Variants in TXNRD1 observed in about 807,000 individuals in gnomAD.
The protein encoded by TXNRD1 is thioredoxin reductase 1, cytoplasmic.
TXNRD1 carries 57 observed loss-of-function variants against 80.3 expected under a neutral mutation model. The ratio of observed to expected loss-of-function variants is 0.71; its 90% CI spans 0.57 to 0.89. TXNRD1 has a LOEUF of 0.89. Ranked by LOEUF, TXNRD1 falls within the 40% of genes least tolerant of loss-of-function variation. The pLI is 0.00. For missense variants in TXNRD1, 730 were observed against 803.0 expected (o/e 0.91, Z 1.10); for synonymous variants, 291 against 285.2 (o/e 1.02, Z -0.20).
chr12:104,286,405 T>C (rs2033971912), intron 3 of TXNRD1, among the ~76,000 whole-genome samples: 1 of 152,112 alleles, frequency 6.6e-6, no homozygotes. Context: ...GAAGAGGTGC[T>C]CTCAGGGGAA....
intron 1 of TXNRD1, among the ~76,000 whole-genome samples, chr12:104,229,518 C>T (rs1372924536): frequency 2.0e-5 from 3 of 151,354 alleles, no homozygotes; most frequent in Non-Finnish European, 4.4e-5. Context: ...TGTATTAGTA[C>T]TTCTTTTTAT....
chr12:104,272,894 G>T (rs375523170), intron 3 of TXNRD1, among the ~76,000 whole-genome samples: 2 of 152,084 alleles, frequency 1.3e-5, no homozygotes, highest in African/African-American at 4.8e-5. Context: ...TAACACTGAG[G>T]CAGGAGAATT....
chr12:104,218,451 C>T (rs1283214976), intron 1 of TXNRD1, among the ~76,000 whole-genome samples: 1 of 152,094 alleles, frequency 6.6e-6, no homozygotes, highest in African/African-American at 2.4e-5. Context: ...CCCAGGAGCC[C>T]CTCTAATGTC....
intron 1 of TXNRD1, among the ~76,000 whole-genome samples, chr12:104,225,815 A>G (rs1473337454): frequency 6.6e-6 from 1 of 151,804 alleles, no homozygotes; most frequent in East Asian, 1.9e-4. Flanking sequence ...CCTTCATAAG[A>G]CCTGAACAGG....
intron 1 of TXNRD1, 108 bp downstream of exon 1, chr12:104,216,001 C>T (rs1020121396): frequency 3.1e-6 from 3 of 954,804 alleles, no homozygotes; most frequent in African/African-American, 3.4e-5. Flanking sequence ...AAGCCCCTCA[C>T]TGGAGTCAGT....
intron 1 of TXNRD1, among the ~76,000 whole-genome samples, chr12:104,234,014 ATTC>A (rs2032681602): frequency 6.6e-6 from 1 of 152,204 alleles, no homozygotes; most frequent in East Asian, 1.9e-4. Context: ...AGTCCCATAC[ATTC>A]TTCTTCTATT....
At chr12:104,331,910 G>A (rs574268443) in intron 14 of TXNRD1, among the ~76,000 whole-genome samples, 3 of 152,008 alleles carry the variant, frequency 2.0e-5, no homozygotes, top group Admixed American at 6.6e-5. Context: ...TTCTATGAAC[G>A]AGGGCATTTT....
intron 3 of TXNRD1, chr12:104,286,274 G>A (rs2033969069): frequency 6.6e-6 from 1 of 152,286 alleles, no homozygotes; most frequent in East Asian, 1.9e-4. Context: ...TAAGAGCAGG[G>A]AAGCATGAGA....
rs1201341890 is a variant in TXNRD1 at position 104,327,515 on chromosome 12, G to A, written c.1386G>A (p.Lys462=). 6.2e-7 allele frequency: 1 copy of A among 1,609,338 alleles called. No individual in the cohort carries two copies. Among genetic ancestry groups the A allele is most frequent in the Non-Finnish European group, 8.5e-7 (1 of 1,176,908 alleles). The change falls in exon 13 of 17, where the codon AAG becomes AAA. Residue 462 remains lysine (K), a splice_region_variant and synonymous_variant. Coordinates refer to ENST00000525566, the MANE Select transcript of TXNRD1 (RefSeq NM_001093771.3). ...LETVGVKINE[K]TGKIPVTDEE... ...GATTTTTAACTGAATAAAATTGCAG[G>A]ACTGGAAAAATACCTGTCACAGATG...
intron 3 of TXNRD1, chr12:104,288,668 T>G (rs992935129): frequency 8.8e-7 from 1 of 1,132,520 alleles, no homozygotes; most frequent in African/African-American, 1.6e-5. Flanking sequence ...GATTTAACCC[T>G]GACTAGAACT....
rs762064461 is a variant in TXNRD1, at chr12:104,326,377, AC to A, written c.1340del (p.Thr447LysfsTer6). 6 of 1,595,798 alleles carry A rather than the reference AC, an allele frequency of 3.8e-6. No homozygotes were observed. Among genetic ancestry groups the A allele is most frequent in the Non-Finnish European group, 5.1e-6 (6 of 1,172,654 alleles). On this transcript the variant is annotated frameshift_variant, in exon 12 of 17. Transcript: ENST00000525566. LOFTEE classifies it high-confidence loss of function. ...VMLAIGRDACTRKIGLETVGV... is the reference protein window; with the variant it reads ...VMLAIGRDACXRKIGLETVGV... ...GCTGGCAATAGGAAGAGATGCTTGC[AC>A]AAGAAAAATTGGCTTAGAAACCGTA...
At position 104,319,570 on chromosome 12, in the gene TXNRD1, AAT is replaced by A. The variant is rs1427358353; in HGVS notation, c.976_977del (p.Tyr326LeufsTer5). ...TACTTGGGCATCCCTGGTGACAAAG[AAT>A]ACTGCATCAGCAGGTAAAGGAAAAA... On this transcript the variant is annotated frameshift_variant, in exon 9 of 17. Coordinates refer to ENST00000525566, the MANE Select transcript of TXNRD1 (RefSeq NM_001093771.3). LOFTEE classifies it high-confidence loss of function. 1 of 1,601,412 alleles carries A rather than the reference AAT, an allele frequency of 6.2e-7. No individual in the cohort carries two copies. Among genetic ancestry groups the A allele is most frequent in the Admixed American group, 1.7e-5 (1 of 58,120 alleles).
chr12:104,275,351 A>C (rs2033735569), intron 3 of TXNRD1, among the ~76,000 whole-genome samples: 2 of 152,130 alleles, frequency 1.3e-5, no homozygotes, highest in African/African-American at 2.4e-5. Flanking sequence ...GAATATATGC[A>C]CTGCGGAAAA....
At chr12:104,260,021 C>T (rs144769111) in intron 3 of TXNRD1, among the ~76,000 whole-genome samples, 259 of 152,292 alleles carry the variant, frequency 1.7e-3, no homozygotes, top group Admixed American at 2.4e-3. Context: ...GAAATTGAAT[C>T]CCAGAGAAGT....
intron 7 of TXNRD1, among the ~76,000 whole-genome samples, chr12:104,316,177 G>A (rs999202604): frequency 6.7e-6 from 1 of 149,362 alleles, no homozygotes; most frequent in African/African-American, 2.5e-5. Flanking sequence ...ATCATACAAT[G>A]TTTATAATTT....
chr12:104,317,997 T>G (rs189542419), intron 7 of TXNRD1, among the ~76,000 whole-genome samples: 24 of 152,212 alleles, frequency 1.6e-4, no homozygotes, highest in African/African-American at 4.6e-4. Context: ...AACAATTAGC[T>G]GGGCATGATG....
chr12:104,345,659 G>A (rs992414437), intron 16 of TXNRD1, among the ~76,000 whole-genome samples: 12 of 19,446 alleles, frequency 6.2e-4, no homozygotes, highest in African/African-American at 3.5e-3. Context: ...AAGTTCACTT[G>A]TAGAGGAGAA....
At chr12:104,324,044 G>T (rs192597104) in intron 10 of TXNRD1, among the ~76,000 whole-genome samples, 1 of 152,170 alleles carries the variant, frequency 6.6e-6, no homozygotes, top group Non-Finnish European at 1.5e-5. Context: ...TGTAGTATGT[G>T]TACAAAGGCT....
At chr12:104,237,790 G>A (rs974795527) in intron 1 of TXNRD1, among the ~76,000 whole-genome samples, 4 of 152,098 alleles carry the variant, frequency 2.6e-5, no homozygotes, top group African/African-American at 7.2e-5. Context: ...TGAGGCAGGC[G>A]GATCATGAGA....
Sources: allele counts gnomAD v4.1 joint callset (sites outside exome capture counted in the v4.1 genomes callset), GRCh38; gene constraint gnomAD v4.1.1; transcripts MANE v1.5; gene names NCBI Gene and HGNC (gene_info 2026-07-23, HGNC 2026-07-21).